Variants in SLC14A2 observed in about 807,000 individuals in gnomAD.
SLC14A2 encodes solute carrier family 14 member 2, also known as urea transporter 2.
Under a neutral mutation model 104.6 loss-of-function variants are expected in SLC14A2, and 91 were observed. That is an observed-to-expected ratio of 0.87 (90% CI 0.73 to 1.04). The LOEUF is 1.04. Among genes scored for constraint, SLC14A2 ranks in the 50% least tolerant of loss-of-function variants. The pLI, the probability that SLC14A2 is intolerant of heterozygous loss-of-function variation, is 0.00. For synonymous variants in SLC14A2, 476 were observed against 466.4 expected (o/e 1.02, Z -0.27); for missense variants, 1,189 against 1,156.0 (o/e 1.03, Z -0.41).
At chr18:45,389,350 T>C (rs1434499974) in intron 1 of SLC14A2, among the ~76,000 whole-genome samples, 1 of 152,266 alleles carries the variant, frequency 6.6e-6, no homozygotes, top group African/African-American at 2.4e-5. Flanking sequence ...ACATCATTTT[T>C]GGAGCCAAGT....
chr18:45,623,874 G>C (rs539828100), intron 1 of SLC14A2, among the ~76,000 whole-genome samples: 10 of 152,306 alleles, frequency 6.6e-5, no homozygotes, highest in Middle Eastern at 3.4e-3. Flanking sequence ...ATATAACTGA[G>C]CTGGAGGAGG....
chr18:45,175,555 T>A, the SLC14A2 span, among the ~76,000 whole-genome samples: 2 of 152,130 alleles, frequency 1.3e-5, no homozygotes, highest in African/African-American at 4.8e-5. Context: ...TTGTGACTTA[T>A]GAGTGGATCA....
intron 5 of SLC14A2, among the ~76,000 whole-genome samples, chr18:45,633,014 T>C (rs1163403302): frequency 6.6e-6 from 1 of 152,236 alleles, no homozygotes; most frequent in Non-Finnish European, 1.5e-5. Flanking sequence ...CAACATTTTT[T>C]TTATTGCAAT....
At chr18:45,601,229 A>G (rs2044787615) in intron 2 of SLC14A2, among the ~76,000 whole-genome samples, 1 of 152,250 alleles carries the variant, frequency 6.6e-6, no homozygotes, top group South Asian at 2.1e-4. Context: ...GACCTTGGCA[A>G]GTCACTTTAC....
chr18:45,255,763 G>T (rs983638858), intron 1 of SLC14A2, among the ~76,000 whole-genome samples: 8 of 152,028 alleles, frequency 5.3e-5, no homozygotes, highest in Non-Finnish European at 1.0e-4. Flanking sequence ...TAACTAGCAG[G>T]GGGAAAATAT....
intron 10 of SLC14A2, among the ~76,000 whole-genome samples, chr18:45,651,558 GAT>G (rs1344189411): frequency 6.6e-6 from 1 of 152,232 alleles, no homozygotes; most frequent in Non-Finnish European, 1.5e-5. Context: ...TTGCTTGAGA[GAT>G]AATGTCCTAT....
intron 10 of SLC14A2, among the ~76,000 whole-genome samples, chr18:45,650,557 C>T (rs1254196138): frequency 1.3e-5 from 2 of 152,170 alleles, no homozygotes; most frequent in African/African-American, 2.4e-5. Context: ...TAATGTGTTA[C>T]TCAGGCCCCA....
At chr18:45,570,325 C>T (rs1568280531) in intron 2 of SLC14A2, among the ~76,000 whole-genome samples, 1 of 152,156 alleles carries the variant, frequency 6.6e-6, no homozygotes, top group East Asian at 1.9e-4. Flanking sequence ...TACACCCTCA[C>T]CTATCTCACC....
Position 45,627,066 on chromosome 18 carries a change from T to A in SLC14A2, c.440T>A (p.Ile147Asn). 6.2e-7 allele frequency: 1 copy of A among 1,613,876 alleles called. No homozygotes were observed. The highest frequency in any genetic ancestry group is 8.5e-7 in the Non-Finnish European group (1 of 1,179,980). ...CTCATCATCTTCATAGGGCTGCTGA[T>A]CCAGAATCCCTGGTGGACAATCACT... Reference protein sequence around the residue: ...SGLIIFIGLLIQNPWWTITGG... With the variant: ...SGLIIFIGLLNQNPWWTITGG... Residue 147 changes from isoleucine to asparagine, a missense_variant, in exon 4 of 20, where the codon ATC becomes AAC. Transcript: ENST00000255226.
intron 2 of SLC14A2, among the ~76,000 whole-genome samples, chr18:45,570,236 C>A (rs1375429597): frequency 2.0e-5 from 3 of 152,172 alleles, no homozygotes; most frequent in African/African-American, 4.8e-5. Flanking sequence ...ACCTGTCACT[C>A]AACCACCCTG....
chr18:45,334,605 A>G (rs2085320704), intron 1 of SLC14A2, among the ~76,000 whole-genome samples: 1 of 152,270 alleles, frequency 6.6e-6, no homozygotes, highest in South Asian at 2.1e-4. Context: ...TATCTTTTGA[A>G]TGTACATTCT....
intron 1 of SLC14A2, among the ~76,000 whole-genome samples, chr18:45,622,999 C>G (rs1441714756): frequency 6.6e-6 from 1 of 152,010 alleles, no homozygotes; most frequent in Non-Finnish European, 1.5e-5. Context: ...TGGGTTTATC[C>G]CGGCTGGAAT....
intron 6 of SLC14A2, 82 bp downstream of exon 6, chr18:45,637,264 G>C: frequency 1.8e-6 from 2 of 1,115,918 alleles, no homozygotes; most frequent in Non-Finnish European, 2.6e-6. Context: ...GACTATCCAT[G>C]CTCTCAACTT....
chr18:45,536,318 G>A (rs1161954693), intron 2 of SLC14A2, among the ~76,000 whole-genome samples: 2 of 152,186 alleles, frequency 1.3e-5, no homozygotes, highest in African/African-American at 2.4e-5. Flanking sequence ...CACAAACTAG[G>A]TGGCTTAAAA....
intron 18 of SLC14A2, 101 bp downstream of exon 18, chr18:45,673,918 A>G (rs374653432): frequency 1.6e-5 from 19 of 1,220,536 alleles, no homozygotes; most frequent in African/African-American, 1.4e-4. Flanking sequence ...TTAATAGATT[A>G]AACACTATTT....
At chr18:45,208,299 T>C (rs895690454), upstream of SLC14A2, among the ~76,000 whole-genome samples, 1 of 152,246 alleles carries the variant, frequency 6.6e-6, no homozygotes, top group Non-Finnish European at 1.5e-5. Context: ...GCCTAACTTC[T>C]ATAATAATAA....
chr18:45,215,528 T>A (rs2084002261), intron 1 of SLC14A2, among the ~76,000 whole-genome samples: 3 of 152,220 alleles, frequency 2.0e-5, no homozygotes. Flanking sequence ...TGTTGCTTCA[T>A]CACATCATAA....
At chr18:45,269,853 T>C (rs910164945) in intron 1 of SLC14A2, among the ~76,000 whole-genome samples, 2 of 152,226 alleles carry the variant, frequency 1.3e-5, no homozygotes, top group Non-Finnish European at 2.9e-5. Flanking sequence ...ATAGATCATA[T>C]CGTACCATTT....
intron 10 of SLC14A2, among the ~76,000 whole-genome samples, chr18:45,648,495 A>G (rs62090615): frequency 0.53 from 79,755 of 151,696 alleles, 21,720 homozygotes; most frequent in African/African-American, 0.68. Context: ...ATGAGCCACC[A>G]CGCCCGGCCT....
Sources: gnomAD v4.1 joint callset for allele counts (sites outside exome capture counted in the v4.1 genomes callset) on GRCh38, gnomAD v4.1.1 for gene constraint, MANE v1.5 for transcripts, NCBI Gene and HGNC (gene_info 2026-07-23, HGNC 2026-07-21) for gene names.